The following PRRC2B variants were observed in gnomAD, a reference collection of about 807,000 sequenced individuals.
PRRC2B encodes protein PRRC2B.
Under a neutral mutation model 242.3 loss-of-function variants are expected in PRRC2B, and 68 were observed. That is an observed-to-expected ratio of 0.28 (90% CI 0.23 to 0.34). The LOEUF is 0.34. Ranked by LOEUF, PRRC2B falls within the 10% of genes least tolerant of loss-of-function variation. The pLI, the probability that PRRC2B is intolerant of heterozygous loss-of-function variation, is 1.00. For missense variants in PRRC2B, 2,835 were observed against 2,954.8 expected (o/e 0.96, Z 0.94); for synonymous variants, 1,228 against 1,173.6 (o/e 1.05, Z -0.95).
At chr9:131,436,813 G>GA (rs1182804392) in intron 4 of PRRC2B, 91 bp downstream of exon 4, 2 of 1,064,362 alleles carry the variant, frequency 1.9e-6, no homozygotes, top group Non-Finnish European at 2.8e-6. Context: ...TTGCTACTGA[G>GA]AAGTGTGGTT....
intron 3 of PRRC2B, 93 bp downstream of exon 3, chr9:131,432,887 C>A: frequency 3.1e-6 from 4 of 1,301,550 alleles, no homozygotes; most frequent in East Asian, 2.4e-5. Context: ...AACCCTTTGG[C>A]TACTGCAGCG....
At chr9:131,400,083 T>C (rs79272992) in intron 1 of PRRC2B, among the ~76,000 whole-genome samples, 15 of 152,240 alleles carry the variant, frequency 9.9e-5, no homozygotes, top group African/African-American at 3.6e-4. Context: ...GCAGTCTCTT[T>C]CTTAGTTTTT....
intron 28 of PRRC2B, among the ~76,000 whole-genome samples, chr9:131,488,472 G>A (rs1210351367): frequency 6.6e-6 from 1 of 152,130 alleles, no homozygotes; most frequent in Non-Finnish European, 1.5e-5. Context: ...TGTTGGCCAG[G>A]CTGGTCTCGA....
At chr9:131,492,907 G>A (rs2131487425) in intron 30 of PRRC2B, among the ~76,000 whole-genome samples, 1 of 152,320 alleles carries the variant, frequency 6.6e-6, no homozygotes, top group Non-Finnish European at 1.5e-5. Flanking sequence ...TGGGCTCCGA[G>A]GGCTTGTACA....
intron 8 of PRRC2B, 69 bp downstream of exon 8, chr9:131,447,275 G>T: frequency 6.3e-7 from 1 of 1,580,130 alleles, no homozygotes; most frequent in Non-Finnish European, 8.6e-7. Flanking sequence ...AAGATGAGGG[G>T]CTGATGAATA....
chr9:131,473,334 C>T (rs1003475653), intron 14 of PRRC2B, among the ~76,000 whole-genome samples, 174 bp from the exon 15 acceptor site: 22 of 152,134 alleles, frequency 1.4e-4, no homozygotes, highest in African/African-American at 4.8e-4. Context: ...TGTGTGCCTT[C>T]AGAGGTCCTC....
rs1312220507 is a variant in PRRC2B at position 131,496,846 on chromosome 9, ACAGGCCCATCC to A, written c.*980_*990del. 6.6e-6 allele frequency: 1 copy of A among 151,660 alleles called. No individual in the cohort carries two copies. Among genetic ancestry groups the A allele is most frequent in the Non-Finnish European group, 1.5e-5 (1 of 67,626 alleles). 9.4% of individuals were successfully genotyped at this position (151,660 alleles called of 1,614,324 possible). A position where few individuals can be genotyped will look rare whatever the true frequency, so the allele number is the denominator to read the frequency against. On this transcript the variant is annotated 3_prime_UTR_variant, in exon 32 of 32. Transcript: ENST00000683519. The stretch of plus-strand genomic sequence containing the variant: ...CCCAGATGGGGTGAGCTGACATACC[ACAGGCCCATCC>A]CAGGCCCCGTGGGCTCTGCTTCTGG...
At position 131,487,132 on chromosome 9, in the gene PRRC2B, C is replaced by A. The variant is rs770461240; in HGVS notation, c.5857-35C>A. On this transcript the variant is annotated intron_variant, in intron 26 of 31. Transcript: ENST00000683519. The surrounding 1 kb of genome is among the most constrained non-coding windows in gnomAD (Gnocchi z 5.3). ...GGAAGAACCACCTGGATGGGCCTTG[C>A]GGTTACCTCCCCGACCCCGTTTTCC... 2 of 1,606,432 alleles carry A rather than the reference C, an allele frequency of 1.2e-6. No homozygotes were observed. The highest frequency in any genetic ancestry group is 1.7e-6 in the Non-Finnish European group (2 of 1,175,872).
intron 9 of PRRC2B, among the ~76,000 whole-genome samples, chr9:131,451,828 A>G (rs556128729): frequency 6.6e-6 from 1 of 151,416 alleles, no homozygotes; most frequent in East Asian, 1.9e-4. Flanking sequence ...ATCTGTGTTC[A>G]TATTATTTTT....
intron 5 of PRRC2B, among the ~76,000 whole-genome samples, chr9:131,440,095 C>T (rs937973584): frequency 2.0e-5 from 3 of 152,000 alleles, no homozygotes; most frequent in South Asian, 2.1e-4. Flanking sequence ...TTGGTTGCGA[C>T]GAGATCTCAC....
At chr9:131,484,859 A>C in intron 24 of PRRC2B, 69 bp downstream of exon 24, 4 of 1,560,910 alleles carry the variant, frequency 2.6e-6, no homozygotes, top group Non-Finnish European at 8.7e-7. Flanking sequence ...AGAAGGGAGG[A>C]GTCCCCGAAC....
chr9:131,444,823 C>T (rs62582217), intron 6 of PRRC2B, among the ~76,000 whole-genome samples: 8,239 of 152,158 alleles, frequency 0.054, 539 homozygotes, highest in East Asian at 0.23. Flanking sequence ...TCTACTGGCC[C>T]CTCATCTTAG....
chr9:131,386,147 C>G (rs1836823609), intron 1 of PRRC2B, among the ~76,000 whole-genome samples: 1 of 142,604 alleles, frequency 7.0e-6, no homozygotes, highest in Admixed American at 7.3e-5. Flanking sequence ...GGGTCTTGCT[C>G]TGTTGCCCAG....
At chr9:131,393,029 C>A (rs1564271807), upstream of PRRC2B, among the ~76,000 whole-genome samples, 1 of 152,030 alleles carries the variant, frequency 6.6e-6, no homozygotes, top group Non-Finnish European at 1.5e-5. Flanking sequence ...ATCCAGAATT[C>A]TACTCCCCAA....
chr9:131,456,491 C>T (rs1392633583), intron 10 of PRRC2B, among the ~76,000 whole-genome samples: 2 of 151,872 alleles, frequency 1.3e-5, no homozygotes, highest in Non-Finnish European at 2.9e-5. Context: ...ACTAGCTGGG[C>T]ATGGTGGTAG....
chr9:131,486,326 G>A (rs193060308), intron 26 of PRRC2B, 144 bp downstream of exon 26: 9 of 849,608 alleles, frequency 1.1e-5, no homozygotes, highest in East Asian at 5.4e-5. Flanking sequence ...GGCCCGCCAC[G>A]GCAGCCAGGA....
At chr9:131,410,129 G>C (rs754384748) in intron 1 of PRRC2B, among the ~76,000 whole-genome samples, 8 of 152,144 alleles carry the variant, frequency 5.3e-5, no homozygotes, top group Non-Finnish European at 7.4e-5. Flanking sequence ...CACCCCCCTT[G>C]CTAAATTAAC....
At chr9:131,380,554 G>A (rs1294087509) in intron 1 of PRRC2B, among the ~76,000 whole-genome samples, 5 of 150,184 alleles carry the variant, frequency 3.3e-5, no homozygotes, top group Non-Finnish European at 7.4e-5. Context: ...ACTCCAGCCT[G>A]CAAAACAGAG....
chr9:131,492,869 G>C (rs930409785), intron 30 of PRRC2B, among the ~76,000 whole-genome samples: 5 of 152,212 alleles, frequency 3.3e-5, no homozygotes, highest in African/African-American at 1.2e-4. Flanking sequence ...TGCCCGTGCT[G>C]GTGTGTGAAG....
Sources: allele counts gnomAD v4.1 joint callset (sites outside exome capture counted in the v4.1 genomes callset), GRCh38; gene constraint gnomAD v4.1.1; non-coding constraint Gnocchi (gnomAD v3.1); transcripts MANE v1.5; gene names NCBI Gene and HGNC (gene_info 2026-07-23, HGNC 2026-07-21).